FRMD4A: variants seen among roughly 807,000 people sequenced by gnomAD.
FRMD4A encodes FERM domain containing 4A.
Under a neutral mutation model 129.1 loss-of-function variants are expected in FRMD4A, and 29 were observed. The observed-to-expected ratio is 0.22, with a 90% CI of 0.17 to 0.31. FRMD4A has a LOEUF of 0.31. Among genes scored for constraint, FRMD4A ranks in the 10% least tolerant of loss-of-function variants. FRMD4A has a pLI of 1.00. For synonymous variants in FRMD4A, 634 were observed against 571.6 expected, an observed-to-expected ratio of 1.11 and a Z score of -1.56; for missense variants, 1,272 against 1,375.8, an observed-to-expected ratio of 0.92 and a Z score of 1.19.
intron 3 of FRMD4A, among the ~76,000 whole-genome samples, chr10:13,822,904 C>T (rs1482053642): frequency 6.6e-6 from 1 of 152,166 alleles, no homozygotes; most frequent in Non-Finnish European, 1.5e-5. Context: ...TCTCTCCTTC[C>T]AAGTGACTCT....
intron 2 of FRMD4A, among the ~76,000 whole-genome samples, chr10:14,162,901 G>A (rs1441634172): frequency 6.6e-6 from 1 of 152,124 alleles, no homozygotes; most frequent in African/African-American, 2.4e-5. Flanking sequence ...TTGCTTTAAA[G>A]CCTGTGTGGT....
At chr10:13,736,059 T>G (rs1004512958) in intron 12 of FRMD4A, among the ~76,000 whole-genome samples, 1 of 152,010 alleles carries the variant, frequency 6.6e-6, no homozygotes, top group Non-Finnish European at 1.5e-5. Flanking sequence ...GGCTGAGGCA[T>G]GAGAATCGCT....
chr10:13,652,319 TC>T (rs2081697993), intron 23 of FRMD4A: 1 of 337,946 alleles, frequency 3.0e-6, no homozygotes. Flanking sequence ...TTCAAGACCA[TC>T]TTAAGTGCAT....
intron 2 of FRMD4A, among the ~76,000 whole-genome samples, chr10:14,241,507 T>A (rs772947987): frequency 2.0e-5 from 3 of 151,658 alleles, no homozygotes; most frequent in Admixed American, 6.6e-5. Context: ...TATTTTTAAT[T>A]CTTGGTTAAA....
intron 2 of FRMD4A, among the ~76,000 whole-genome samples, chr10:14,117,643 G>C (rs1460688438): frequency 6.6e-6 from 1 of 152,194 alleles, no homozygotes; most frequent in Non-Finnish European, 1.5e-5. Context: ...AAGATAGGCT[G>C]GTCACCTGTG....
In FRMD4A at chr10:14,232,526, T is replaced by C. The variant is rs564088384; in HGVS notation, c.45+97532A>G. On this transcript the variant is annotated intron_variant, in intron 2 of 24. Coordinates refer to ENST00000357447, the MANE Select transcript of FRMD4A (RefSeq NM_018027.5). ...AATCTAGAAATTGCTTTGGGTAGTA[T>C]GGACAGGTATTGATTCTTCCTATCC... is the stretch of plus-strand genomic sequence containing the variant. Among the ~76,000 whole-genome samples, 9 of 151,832 alleles carry C rather than the reference T, an allele frequency of 5.9e-5. No homozygotes were observed. The South Asian group carries it at 1.7e-3, about 28-fold the overall frequency.
intron 2 of FRMD4A, among the ~76,000 whole-genome samples, chr10:14,044,589 A>G (rs906716188): frequency 6.6e-6 from 1 of 152,200 alleles, no homozygotes; most frequent in Non-Finnish European, 1.5e-5. Context: ...CAGGAATGCC[A>G]AGGACTGCTG....
intron 2 of FRMD4A, among the ~76,000 whole-genome samples, chr10:14,131,342 G>A (rs1021822966): frequency 1.3e-5 from 2 of 152,126 alleles, no homozygotes; most frequent in Non-Finnish European, 2.9e-5. Context: ...AGATGGCAGA[G>A]TAGAAGCAAA....
intron 3 of FRMD4A, among the ~76,000 whole-genome samples, chr10:13,849,543 C>A (rs1208709330): frequency 6.7e-6 from 1 of 150,060 alleles, no homozygotes; most frequent in Non-Finnish European, 1.5e-5. Flanking sequence ...TGCAATGGTG[C>A]GATCTTGGCT....
At chr10:14,264,192 T>C (rs1182159920) in intron 2 of FRMD4A, among the ~76,000 whole-genome samples, 3 of 152,150 alleles carry the variant, frequency 2.0e-5, no homozygotes, top group Non-Finnish European at 4.4e-5. Flanking sequence ...ATGGGGCAAC[T>C]GGGCAGACAT....
intron 16 of FRMD4A, among the ~76,000 whole-genome samples, chr10:13,673,769 CTTTTTTTTTTTTT>C (rs1156236426): frequency 1.1e-5 from 1 of 94,286 alleles, no homozygotes; most frequent in African/African-American, 4.7e-5. Context: ...GAAAGCATTG[CTTTTTTTTTTTTT>C]TTTTTTTTTT....
At chr10:13,803,853 G>C (rs1024684032) in intron 4 of FRMD4A, among the ~76,000 whole-genome samples, 1 of 152,162 alleles carries the variant, frequency 6.6e-6, no homozygotes, top group African/African-American at 2.4e-5. Context: ...CTGCTGTGTA[G>C]ACACAGCTCC....
chr10:14,192,212 T>C (rs950938590), intron 2 of FRMD4A, among the ~76,000 whole-genome samples: 3 of 152,340 alleles, frequency 2.0e-5, no homozygotes, highest in South Asian at 2.1e-4. Flanking sequence ...GAATAACATA[T>C]CTAATTCTCC....
At chr10:14,090,790 G>A (rs1216565593) in intron 2 of FRMD4A, among the ~76,000 whole-genome samples, 1 of 152,194 alleles carries the variant, frequency 6.6e-6, no homozygotes, top group Admixed American at 6.5e-5. Context: ...TTTCATTAAA[G>A]AGAAGTACAC....
chr10:13,833,566 C>T lies in FRMD4A; in HGVS notation c.112-22658G>A, dbSNP rs187740252. On this transcript the variant is annotated intron_variant, in intron 3 of 24. Transcript: ENST00000357447. Reference sequence around the variant, plus strand: ...CTGCCCTGTGCCCGGTGGTTAAGGGCCCAGATTTGGGAGCTCCTTACTGAC... The same window carrying T: ...CTGCCCTGTGCCCGGTGGTTAAGGGTCCAGATTTGGGAGCTCCTTACTGAC... Among the ~76,000 whole-genome samples the T allele has an allele frequency of 3.3e-3, 495 of 152,182 alleles. 12 individuals are homozygous for T. Among genetic ancestry groups the T allele is most frequent in the Non-Finnish European group, 7.8e-4 (53 of 68,004 alleles).
At chr10:14,188,796 C>T (rs1289232221) in intron 2 of FRMD4A, among the ~76,000 whole-genome samples, 1 of 152,156 alleles carries the variant, frequency 6.6e-6, no homozygotes, top group Admixed American at 6.6e-5. Flanking sequence ...GTCCCAGTAA[C>T]TTGGGAGGCT....
At chr10:14,288,043 C>T (rs1034459696) in intron 2 of FRMD4A, among the ~76,000 whole-genome samples, 7 of 151,940 alleles carry the variant, frequency 4.6e-5, no homozygotes, top group Non-Finnish European at 1.0e-4. Context: ...TGACTTTCTA[C>T]GGTGAAGAGA....
intron 12 of FRMD4A, among the ~76,000 whole-genome samples, chr10:13,728,763 G>A (rs942658339): frequency 6.6e-6 from 1 of 151,510 alleles, no homozygotes; most frequent in African/African-American, 2.4e-5. Context: ...GTAGAGACGG[G>A]GTTTTATCAC....
chr10:14,070,842 A>C (rs947571202), intron 2 of FRMD4A, among the ~76,000 whole-genome samples: 1 of 152,212 alleles, frequency 6.6e-6, no homozygotes. Flanking sequence ...ACTGGGGAGA[A>C]AGGTATATTT....
Sources: gnomAD v4.1 joint callset for allele counts (sites outside exome capture counted in the v4.1 genomes callset) on GRCh38, gnomAD v4.1.1 for gene constraint, MANE v1.5 for transcripts, NCBI Gene and HGNC (gene_info 2026-07-23, HGNC 2026-07-21) for gene names.